GRSF1: variants seen among roughly 807,000 people sequenced by gnomAD.
GRSF1 encodes G-rich sequence factor 1.
In GRSF1, 50 loss-of-function variants were observed where a neutral mutation model predicts 51.1. That is an observed-to-expected ratio of 0.98 (90% CI 0.78 to 1.24). The LOEUF is 1.24. GRSF1 is among the 50% of genes most tolerant of loss of function. The probability of loss-of-function intolerance (pLI) is 0.00; values close to 1 mark genes in which losing one functional copy is unlikely to be tolerated. For synonymous variants in GRSF1, 293 were observed against 253.3 expected (o/e 1.16, Z -1.49); for missense variants, 700 against 639.7 (o/e 1.09, Z -1.02).
At chr4:70,834,178 G>A (rs1430403484) in intron 2 of GRSF1, among the ~76,000 whole-genome samples, 1 of 152,134 alleles carries the variant, frequency 6.6e-6, no homozygotes, top group Non-Finnish European at 1.5e-5. Flanking sequence ...AGAATCCCTT[G>A]AACCCGGGAG....
intron 8 of GRSF1, 99 bp downstream of exon 8, chr4:70,825,197 T>C (rs10019275): frequency 0.03 from 28,288 of 950,584 alleles, 1,690 homozygotes; most frequent in African/African-American, 0.22. Flanking sequence ...AGAATACAAA[T>C]TTCTCAAGGA....
rs375413480 is a variant in GRSF1, at chr4:70,831,519, T to C, written c.950+20A>G. 8.7e-4 allele frequency: 1,400 copies of C among 1,606,824 alleles called. 13 individuals are homozygous for C. In the South Asian group the frequency reaches 9.3e-3, roughly 11 times the overall value. On this transcript the variant is annotated intron_variant, in intron 5 of 9. Transcript: ENST00000254799. ...CTTAATGTGTAACACTTCTGCATCA[T>C]TAGTATCTGCTTTACTCACCGATTA...
rs1215231605 is a variant in GRSF1 at position 70,817,974 on chromosome 4, A to G, written c.*2913T>C. The G allele has an allele frequency of 6.6e-6, 1 of 152,192 alleles. No homozygotes were observed. The highest frequency in any genetic ancestry group is 1.5e-5 in the Non-Finnish European group (1 of 68,046). 9.4% of individuals were successfully genotyped at this position (152,192 alleles called of 1,614,324 possible). A position where few individuals can be genotyped will look rare whatever the true frequency, so the allele number is the denominator to read the frequency against. On this transcript the variant is annotated 3_prime_UTR_variant, in exon 10 of 10. Coordinates refer to ENST00000254799, the MANE Select transcript of GRSF1 (RefSeq NM_002092.4). Reference sequence around the variant, plus strand: ...CATTCTCCTCTATACTATAGGTCCTACCAATTCAATGTGAGTGTCTTCCGA... The same window carrying G: ...CATTCTCCTCTATACTATAGGTCCTGCCAATTCAATGTGAGTGTCTTCCGA...
intron 1 of GRSF1, among the ~76,000 whole-genome samples, chr4:70,837,612 G>A (rs1381367500): frequency 6.7e-6 from 1 of 149,918 alleles, no homozygotes; most frequent in Non-Finnish European, 1.5e-5. Flanking sequence ...TAAGGACAGA[G>A]ATATCTTTCT....
At chr4:70,841,269 G>A (rs1734450450), upstream of GRSF1, among the ~76,000 whole-genome samples, 1 of 152,214 alleles carries the variant, frequency 6.6e-6, no homozygotes, top group South Asian at 2.1e-4. Context: ...GGGTGACAGA[G>A]TGAAACCCTG....
intron 8 of GRSF1, among the ~76,000 whole-genome samples, chr4:70,824,572 G>A (rs1733657279): frequency 6.6e-6 from 1 of 151,860 alleles, no homozygotes; most frequent in African/African-American, 2.4e-5. Flanking sequence ...ATCACCTGAG[G>A]TAAGGAGTTC....
rs1249619400 is a variant in GRSF1, at chr4:70,819,053, C to T, written c.*1834G>A. The stretch of plus-strand genomic sequence containing the variant: ...ACATAAAATGATTTCCCAATAATGG[C>T]CACATTTTGTACAGAAAACTCAGCC... On this transcript the variant is annotated 3_prime_UTR_variant, in exon 10 of 10. Coordinates refer to ENST00000254799, the MANE Select transcript of GRSF1 (RefSeq NM_002092.4). 1 of 152,134 alleles carries T rather than the reference C, an allele frequency of 6.6e-6. No homozygotes were observed. The highest frequency in any genetic ancestry group is 1.5e-5 in the Non-Finnish European group (1 of 68,024). The allele number at this position is 152,134 out of a possible 1,614,324, so 9.4% of individuals were successfully genotyped here. A position where few individuals can be genotyped will look rare whatever the true frequency, so the allele number is the denominator to read the frequency against.
chr4:70,839,467 G>C lies in GRSF1; in HGVS notation c.357+4C>G. 6.9e-6 allele frequency: 10 copies of C among 1,455,398 alleles called. No individual in the cohort carries two copies. Among genetic ancestry groups the C allele is most frequent in the Non-Finnish European group, 9.0e-6 (10 of 1,111,862 alleles). 90.2% of individuals were successfully genotyped at this position (1,455,398 alleles called of 1,614,324 possible). On this transcript the variant is annotated splice_donor_region_variant and intron_variant, in intron 1 of 9. Coordinates refer to ENST00000254799, the MANE Select transcript of GRSF1 (RefSeq NM_002092.4). ...GCGCCAGGTCCCTCACGGCGCCCAC[G>C]TACCTGGCTGTAGCTGCGCGTCGGG...
intron 9 of GRSF1, among the ~76,000 whole-genome samples, chr4:70,822,593 AAAAAAAAAAAAAC>A (rs200992272): frequency 0.85 from 120,023 of 140,554 alleles, 52,669 homozygotes; most frequent in East Asian, 0.99. Context: ...CAAAAAAAAA[AAAAAAAAAAAAAC>A]AAAAGTAACC....
upstream of GRSF1, among the ~76,000 whole-genome samples, chr4:70,841,582 T>C (rs1054955418): frequency 6.6e-6 from 1 of 152,240 alleles, no homozygotes; most frequent in Non-Finnish European, 1.5e-5. Context: ...GTCAACACTT[T>C]TCAGTCTTGT....
Position 70,831,618 on chromosome 4 carries a change from C to G in GRSF1, c.871G>C (p.Gly291Arg). 1 of 1,613,496 alleles carries G rather than the reference C, an allele frequency of 6.2e-7. No homozygotes were observed. The highest frequency in any genetic ancestry group is 8.5e-7 in the Non-Finnish European group (1 of 1,179,514). Residue 291 changes from glycine (G) to arginine (R), a missense_variant, in exon 5 of 10, where the codon GGG becomes CGG. By Grantham distance (125) the Gly-to-Arg change is moderately radical. Coordinates refer to ENST00000254799, the MANE Select transcript of GRSF1 (RefSeq NM_002092.4). ...VMDYRGRRKTGEAYVQFEEPE... is the reference protein window; with the variant it reads ...VMDYRGRRKTREAYVQFEEPE... ...TCTTCAAATTGCACATAGGCTTCCC[C>G]TGTTTTTCGCCTCCCTCTATAGTCC... is the stretch of plus-strand genomic sequence containing the variant.
Position 70,816,715 on chromosome 4 carries a change from T to A in GRSF1, c.*4172A>T, listed in dbSNP as rs575495381. ...ACTCCAGCCTGGGTGACAGAGCGAC[T>A]GTCTCAAACACAAAAAACAAAAACA... On this transcript the variant is annotated 3_prime_UTR_variant, in exon 10 of 10. Coordinates refer to ENST00000254799, the MANE Select transcript of GRSF1 (RefSeq NM_002092.4). The A allele has an allele frequency of 6.6e-6, 1 of 152,178 alleles. No homozygotes were observed. The highest frequency in any genetic ancestry group is 1.5e-5 in the Non-Finnish European group (1 of 68,052). The allele number at this position is 152,178 out of a possible 1,614,324, so 9.4% of individuals were successfully genotyped here.
rs542124610 is a variant in GRSF1, at chr4:70,820,826, A to G, written c.*61T>C. ...ACTGGAACTGTATATCCCAAGTCCA[A>G]GAAAGATGTGCAAATGAAATGCTTC... is the stretch of plus-strand genomic sequence containing the variant. On this transcript the variant is annotated 3_prime_UTR_variant, in exon 10 of 10. Transcript: ENST00000254799. 6.5e-6 allele frequency: 1 copy of G among 152,798 alleles called. No individual in the cohort carries two copies. The highest frequency in any genetic ancestry group is 2.1e-4 in the South Asian group (1 of 4,844). The allele number at this position is 152,798 out of a possible 1,614,324, so 9.5% of individuals were successfully genotyped here.
At chr4:70,830,752 G>C (rs1733929557) in intron 5 of GRSF1, among the ~76,000 whole-genome samples, 1 of 151,030 alleles carries the variant, frequency 6.6e-6, no homozygotes, top group African/African-American at 2.4e-5. Flanking sequence ...CTGGGAGGCA[G>C]AGAGAGGATG....
At chr4:70,833,017 C>T in intron 3 of GRSF1, 101 bp downstream of exon 3, 2 of 1,028,484 alleles carry the variant, frequency 1.9e-6, no homozygotes. Context: ...TGCATTCATA[C>T]AATCTAAATA....
Position 70,833,151 on chromosome 4 carries a change from G to A in GRSF1, c.637C>T (p.His213Tyr). The A allele has an allele frequency of 6.2e-7, 1 of 1,613,868 alleles. No individual in the cohort carries two copies. The highest frequency in any genetic ancestry group is 1.1e-5 in the South Asian group (1 of 91,070). Residue 213 changes from histidine (H) to tyrosine (Y), a missense_variant, in exon 3 of 10, where the codon CAC (histidine) becomes TAC (tyrosine). By Grantham distance (83) the His-to-Tyr change is moderately conservative (BLOSUM62 2). Transcript: ENST00000254799. ...TACCGCTGGCCCATGTACATGCGGT[G>A]CTTCTCTAAGGCTTTCTGCACATCC... ...EQDVQKALEK[H>Y]RMYMGQRYVE...
At position 70,819,430 on chromosome 4, in the gene GRSF1, C is replaced by G. The variant is rs145379602; in HGVS notation, c.*1457G>C. On this transcript the variant is annotated 3_prime_UTR_variant, in exon 10 of 10. Transcript: ENST00000254799. ...CACAGGATTTTAGAGAACACACACA[C>G]GAAAATTAACCCTTACTACTTATAT... 1 of 152,100 alleles carries G rather than the reference C, an allele frequency of 6.6e-6. No individual in the cohort carries two copies. The highest frequency in any genetic ancestry group is 2.4e-5 in the African/African-American group (1 of 41,412). 9.4% of individuals were successfully genotyped at this position (152,100 alleles called of 1,614,324 possible). A position where few individuals can be genotyped will look rare whatever the true frequency, so the allele number is the denominator to read the frequency against.
At chr4:70,841,075 C>G (rs1734445115), upstream of GRSF1, among the ~76,000 whole-genome samples, 1 of 152,066 alleles carries the variant, frequency 6.6e-6, no homozygotes, top group African/African-American at 2.4e-5. Flanking sequence ...GTGAGAGGAT[C>G]ACTGGAGCCC....
chr4:70,838,737 A>G (rs997760129), intron 1 of GRSF1: 1 of 156,964 alleles, frequency 6.4e-6, no homozygotes, highest in African/African-American at 2.4e-5. Flanking sequence ...AAAGGAAAAC[A>G]TTGCAAATTC....
Sources: allele counts gnomAD v4.1 joint callset (sites outside exome capture counted in the v4.1 genomes callset), GRCh38; gene constraint gnomAD v4.1.1; transcripts MANE v1.5; gene names NCBI Gene and HGNC (gene_info 2026-07-23, HGNC 2026-07-21).